RBM6: variants seen among roughly 807,000 people sequenced by gnomAD.
The protein encoded by RBM6 is RNA binding motif protein 6.
Under a neutral mutation model 140.4 loss-of-function variants are expected in RBM6, and 23 were observed. The ratio of observed to expected loss-of-function variants is 0.16; its 90% CI spans 0.12 to 0.23. The LOEUF is 0.23. Among genes scored for constraint, RBM6 ranks in the 10% least tolerant of loss-of-function variants. The pLI, the probability that RBM6 is intolerant of heterozygous loss-of-function variation, is 1.00. For synonymous variants in RBM6, 439 were observed against 475.6 expected, an observed-to-expected ratio of 0.92 and a Z score of 1.00; for missense variants, 1,139 against 1,386.7, an observed-to-expected ratio of 0.82 and a Z score of 2.84.
intron 17 of RBM6, among the ~76,000 whole-genome samples, chr3:50,068,344 C>T (rs541661167): frequency 2.6e-5 from 4 of 152,160 alleles, no homozygotes; most frequent in Admixed American, 6.5e-5. Context: ...AAGAGTGACT[C>T]ATGTCTGGGA....
intron 11 of RBM6, among the ~76,000 whole-genome samples, chr3:50,059,953 G>T (rs1304250825): frequency 6.6e-6 from 1 of 152,104 alleles, no homozygotes; most frequent in Admixed American, 6.6e-5. Context: ...AGGTACTTTT[G>T]TCCTTTCCCT....
intron 6 of RBM6, among the ~76,000 whole-genome samples, chr3:50,030,506 G>C (rs1227412591): frequency 6.6e-6 from 1 of 151,878 alleles, no homozygotes; most frequent in East Asian, 1.9e-4. Flanking sequence ...ACAACTTTCT[G>C]TTTATTTTAT....
intron 11 of RBM6, 92 bp downstream of exon 11, chr3:50,059,838 G>A (rs1019140275): frequency 2.0e-6 from 2 of 998,048 alleles, no homozygotes; most frequent in African/African-American, 1.6e-5. Context: ...AGTAAAGCAT[G>A]ATGTTTTCCT....
chr3:50,048,095 C>A, intron 6 of RBM6, 150 bp from the exon 7 acceptor site: 1 of 1,441,370 alleles, frequency 6.9e-7, no homozygotes, highest in Non-Finnish European at 9.1e-7. Context: ...AGGTCTGTGG[C>A]TTAAAACAGC....
intron 6 of RBM6, among the ~76,000 whole-genome samples, chr3:50,015,212 G>A (rs1178309368): frequency 2.0e-5 from 3 of 150,816 alleles, no homozygotes; most frequent in Non-Finnish European, 3.0e-5. Context: ...GGTTCAAGTG[G>A]TTGTCCTGCT....
intron 5 of RBM6, 22 bp downstream of exon 5, chr3:49,975,414 T>A (rs1338138226): frequency 6.3e-7 from 1 of 1,582,994 alleles, no homozygotes; most frequent in South Asian, 1.1e-5. Flanking sequence ...GACTTGCATA[T>A]GGCCTTGGGT....
At chr3:49,947,844 C>T (rs183755677) in intron 1 of RBM6, among the ~76,000 whole-genome samples, 5 of 152,272 alleles carry the variant, frequency 3.3e-5, no homozygotes, top group African/African-American at 1.2e-4. Context: ...GTACTTTCCC[C>T]ATTGGATGGT....
chr3:49,997,676 G>T (rs1360234783), intron 5 of RBM6, among the ~76,000 whole-genome samples: 1 of 152,152 alleles, frequency 6.6e-6, no homozygotes, highest in Non-Finnish European at 1.5e-5. Flanking sequence ...ATGCATTTGA[G>T]TGTTTGCAGT....
chr3:49,946,958 T>C (rs776287322), intron 1 of RBM6, among the ~76,000 whole-genome samples: 13 of 151,100 alleles, frequency 8.6e-5, no homozygotes, highest in Non-Finnish European at 1.8e-4. Context: ...TCTGTTCATG[T>C]TCTTATTGGC....
chr3:50,039,550 A>G (rs2088758439), intron 6 of RBM6, among the ~76,000 whole-genome samples: 1 of 148,308 alleles, frequency 6.7e-6, no homozygotes, highest in Non-Finnish European at 1.5e-5. Flanking sequence ...CGCACCCAGC[A>G]TACGGAAATA....
chr3:49,974,673 A>ATT (rs55872898), intron 4 of RBM6, among the ~76,000 whole-genome samples: 70 of 72,462 alleles, frequency 9.7e-4, no homozygotes, highest in African/African-American at 2.9e-3. Flanking sequence ...TGCCCGGCCA[A>ATT]TTTTTTTTTT....
intron 6 of RBM6, among the ~76,000 whole-genome samples, chr3:50,043,497 A>AAC (rs1553662697): frequency 1.3e-5 from 2 of 150,748 alleles, no homozygotes; most frequent in African/African-American, 4.9e-5. Flanking sequence ...CAAAAAAAAA[A>AAC]AAGAGAGATC....
intron 1 of RBM6, among the ~76,000 whole-genome samples, chr3:49,955,561 G>A (rs1185218942): frequency 6.6e-6 from 1 of 151,970 alleles, no homozygotes. Context: ...ATGTATCCTA[G>A]GCTGGGCGCA....
chr3:49,940,635 G>C (rs560132778), intron 1 of RBM6: 1 of 155,544 alleles, frequency 6.4e-6, no homozygotes, highest in Admixed American at 6.5e-5. Flanking sequence ...TTAGCACGTA[G>C]CCTCGTCCTC....
At chr3:49,955,345 AT>A (rs34409489) in intron 1 of RBM6, among the ~76,000 whole-genome samples, 70,725 of 148,042 alleles carry the variant, frequency 0.48, 17,588 homozygotes, top group African/African-American at 0.53. Context: ...TAATTTTCGT[AT>A]TTTTTTGTAG....
intron 19 of RBM6, among the ~76,000 whole-genome samples, chr3:50,074,867 G>T (rs181035440): frequency 1.1e-3 from 173 of 152,228 alleles, no homozygotes; most frequent in Middle Eastern, 6.8e-3. Context: ...GATGGTGTCA[G>T]GTTGGGCATG....
At chr3:50,010,881 C>T (rs147442383) in intron 6 of RBM6, among the ~76,000 whole-genome samples, 2,679 of 105,612 alleles carry the variant, frequency 0.025, 107 homozygotes, top group African/African-American at 0.093. Flanking sequence ...CCAGCCTGGG[C>T]GACAGAGCAA....
At chr3:50,072,007 C>G (rs1213902169) in intron 19 of RBM6, among the ~76,000 whole-genome samples, 1 of 146,274 alleles carries the variant, frequency 6.8e-6, no homozygotes, top group African/African-American at 2.6e-5. Flanking sequence ...TCGCTCAAAC[C>G]TGGGAGGCAG....
At chr3:50,038,205 G>C (rs968482917) in intron 6 of RBM6, among the ~76,000 whole-genome samples, 26 of 152,110 alleles carry the variant, frequency 1.7e-4, no homozygotes, top group African/African-American at 6.0e-4. Context: ...CAGGCTTTGT[G>C]ATGGGCTCAG....
Sources: allele counts gnomAD v4.1 joint callset (sites outside exome capture counted in the v4.1 genomes callset), GRCh38; gene constraint gnomAD v4.1.1; transcripts MANE v1.5; gene names NCBI Gene and HGNC (gene_info 2026-07-23, HGNC 2026-07-21).